Variants in GABRB1 observed in about 807,000 individuals in gnomAD.
The protein encoded by GABRB1 is gamma-aminobutyric acid type A receptor subunit beta1.
Under a neutral mutation model 51.6 loss-of-function variants are expected in GABRB1, and 17 were observed. The ratio of observed to expected loss-of-function variants is 0.33; its 90% CI spans 0.23 to 0.49. GABRB1 has a LOEUF of 0.49. Among genes scored for constraint, GABRB1 ranks in the 20% least tolerant of loss-of-function variants. GABRB1 has a pLI of 0.99. For synonymous variants in GABRB1, 247 were observed against 218.9 expected, an observed-to-expected ratio of 1.13 and a Z score of -1.14; for missense variants, 410 against 600.6, an observed-to-expected ratio of 0.68 and a Z score of 3.32.
intron 1 of GABRB1, among the ~76,000 whole-genome samples, chr4:47,014,337 A>C (rs957742752): frequency 2.0e-4 from 31 of 152,214 alleles, no homozygotes; most frequent in Non-Finnish European, 4.4e-5. Flanking sequence ...TGGGTTTGTC[A>C]ATATAAATTT....
chr4:47,237,395 G>A (rs1350400346), intron 4 of GABRB1, among the ~76,000 whole-genome samples: 1 of 152,058 alleles, frequency 6.6e-6, no homozygotes, highest in Non-Finnish European at 1.5e-5. Context: ...TTCACTGAAG[G>A]AGAGAAACAT....
chr4:47,109,618 G>T (rs1715132202), intron 3 of GABRB1, among the ~76,000 whole-genome samples: 1 of 151,950 alleles, frequency 6.6e-6, no homozygotes, highest in African/African-American at 2.4e-5. Flanking sequence ...GGGAAAATGT[G>T]GTAAATAAGG....
chr4:47,141,707 G>C (rs1716945466), intron 3 of GABRB1, among the ~76,000 whole-genome samples: 1 of 151,916 alleles, frequency 6.6e-6, no homozygotes, highest in Admixed American at 6.6e-5. Context: ...GCTAGCACGA[G>C]AGTGCTTAGT....
chr4:47,296,910 T>G (rs1296559005), intron 4 of GABRB1, among the ~76,000 whole-genome samples: 1 of 152,178 alleles, frequency 6.6e-6, no homozygotes, highest in African/African-American at 2.4e-5. Context: ...ACAAACTGTC[T>G]CTCAGAGCAC....
At chr4:47,250,074 T>C (rs1430649820) in intron 4 of GABRB1, among the ~76,000 whole-genome samples, 1 of 152,214 alleles carries the variant, frequency 6.6e-6, no homozygotes, top group Non-Finnish European at 1.5e-5. Context: ...AAAGAGGTTC[T>C]GTTTTGATGT....
intron 4 of GABRB1, among the ~76,000 whole-genome samples, chr4:47,287,419 T>C (rs945145365): frequency 2.0e-5 from 3 of 152,226 alleles, no homozygotes; most frequent in Admixed American, 6.5e-5. Flanking sequence ...AGGGTTTTTT[T>C]CACATATTTC....
chr4:46,995,426 C>G (rs1323112990), intron 1 of GABRB1, among the ~76,000 whole-genome samples: 1 of 152,188 alleles, frequency 6.6e-6, no homozygotes, highest in African/African-American at 2.4e-5. Flanking sequence ...GTGGTACCAT[C>G]ATAGTGACTG....
intron 3 of GABRB1, among the ~76,000 whole-genome samples, chr4:47,039,786 C>T (rs536470773): frequency 6.6e-6 from 1 of 152,148 alleles, no homozygotes; most frequent in African/African-American, 2.4e-5. Context: ...ATGAAGTGTT[C>T]TGGGAACTAC....
chr4:47,077,578 C>G lies in GABRB1; in HGVS notation c.240+45094C>G, dbSNP rs191329643. Among the ~76,000 whole-genome samples the G allele has an allele frequency of 4.0e-5, 6 of 151,880 alleles. No individual in the cohort carries two copies. In the East Asian group the frequency reaches 1.2e-3, roughly 29 times the overall value. On this transcript the variant is annotated intron_variant, in intron 3 of 8. Transcript: ENST00000295454. ...TTACAAATTGCTAAGTATATCCTGT[C>G]AAAACACTCACTAAAAATACTGCAC... is the stretch of plus-strand genomic sequence containing the variant.
intron 5 of GABRB1, among the ~76,000 whole-genome samples, chr4:47,370,844 T>G (rs1257288672): frequency 6.6e-6 from 1 of 152,218 alleles, no homozygotes; most frequent in Non-Finnish European, 1.5e-5. Context: ...GAATGAGGTC[T>G]CAGGTATTCA....
intron 4 of GABRB1, among the ~76,000 whole-genome samples, chr4:47,225,048 C>G (rs57625430): frequency 6.6e-6 from 1 of 152,116 alleles, no homozygotes; most frequent in Non-Finnish European, 1.5e-5. Flanking sequence ...GCATGCACCA[C>G]CATACCGGGC....
intron 4 of GABRB1, among the ~76,000 whole-genome samples, chr4:47,205,930 T>A (rs1720100626): frequency 6.6e-6 from 1 of 152,068 alleles, no homozygotes; most frequent in Non-Finnish European, 1.5e-5. Flanking sequence ...TACCCGTGAA[T>A]GCTTAAAAAG....
At chr4:47,220,909 T>C (rs1183717819) in intron 4 of GABRB1, among the ~76,000 whole-genome samples, 1 of 152,002 alleles carries the variant, frequency 6.6e-6, no homozygotes, top group Non-Finnish European at 1.5e-5. Context: ...TCGCTCTAAT[T>C]AGCTTAGATC....
In GABRB1 at chr4:47,326,375, C is replaced by G. The variant is rs191757972; in HGVS notation, c.544+6166C>G. ...CACATTACAAGAAGAAGGGTGAGGA[C>G]AGTACAATAAGATATTTTGAGTGAG... On this transcript the variant is annotated intron_variant, in intron 5 of 8. Transcript: ENST00000295454. 1.5e-4 allele frequency among the ~76,000 whole-genome samples: 23 copies of G among 152,240 alleles called. No individual in the cohort carries two copies. In the East Asian group the frequency reaches 1.9e-3, roughly 13 times the overall value.
chr4:47,187,694 C>T (rs1719242983), intron 4 of GABRB1, among the ~76,000 whole-genome samples: 1 of 151,870 alleles, frequency 6.6e-6, no homozygotes, highest in Non-Finnish European at 1.5e-5. Flanking sequence ...AGTAATTTCT[C>T]ACTTCACTCA....
chr4:47,176,913 C>A (rs760693748), intron 4 of GABRB1, among the ~76,000 whole-genome samples: 1 of 152,080 alleles, frequency 6.6e-6, no homozygotes, highest in Non-Finnish European at 1.5e-5. Context: ...TTCATTCCTT[C>A]TAAAATGAAG....
intron 3 of GABRB1, among the ~76,000 whole-genome samples, chr4:47,053,388 G>A (rs1255272667): frequency 6.6e-6 from 1 of 152,136 alleles, no homozygotes; most frequent in Non-Finnish European, 1.5e-5. Context: ...TCTTCTCACT[G>A]TGTTCTCTCA....
At chr4:47,207,932 G>T (rs931242576) in intron 4 of GABRB1, among the ~76,000 whole-genome samples, 19 of 151,994 alleles carry the variant, frequency 1.3e-4, no homozygotes, top group African/African-American at 3.6e-4. Context: ...AACTTCTTCA[G>T]TGGCCTTGGG....
At chr4:47,302,194 G>A (rs1724286810) in intron 4 of GABRB1, among the ~76,000 whole-genome samples, 1 of 151,956 alleles carries the variant, frequency 6.6e-6, no homozygotes, top group African/African-American at 2.4e-5. Flanking sequence ...GATACTGTGA[G>A]GATTTAAAAA....
Sources: gnomAD v4.1 joint callset for allele counts (sites outside exome capture counted in the v4.1 genomes callset) on GRCh38, gnomAD v4.1.1 for gene constraint, MANE v1.5 for transcripts, NCBI Gene and HGNC (gene_info 2026-07-23, HGNC 2026-07-21) for gene names.